Variants in FAM193B observed in about 807,000 individuals in gnomAD.
The protein encoded by FAM193B is protein FAM193B.
In FAM193B, 27 loss-of-function variants were observed where a neutral mutation model predicts 70.7. That is an observed-to-expected ratio of 0.38 (90% confidence interval 0.28 to 0.53). The LOEUF (loss-of-function observed/expected upper bound fraction) is 0.53, where lower values mean the gene tolerates loss of function less well. Ranked by LOEUF, FAM193B falls within the 20% of genes least tolerant of loss-of-function variation. FAM193B has a pLI of 0.81. For synonymous variants in FAM193B, 448 were observed against 436.0 expected, an observed-to-expected ratio of 1.03 and a Z score of -0.34; for missense variants, 1,022 against 1,072.5, an observed-to-expected ratio of 0.95 and a Z score of 0.66.
chr5:177,538,774 G>T lies in FAM193B; in HGVS notation c.453+131C>A. 8.1e-7 allele frequency: 1 copy of T among 1,233,020 alleles called. No individual in the cohort carries two copies. The highest frequency in any genetic ancestry group is 1.1e-6 in the Non-Finnish European group (1 of 888,502). 76.4% of individuals were successfully genotyped at this position (1,233,020 alleles called of 1,614,324 possible). On this transcript the variant is annotated intron_variant, in intron 2 of 8. Transcript: ENST00000514747. The surrounding 1 kb of genome is among the most constrained non-coding windows in gnomAD (Gnocchi z 4.1). Reference sequence around the variant, plus strand: ...CTTGAGCTGCCAATGCTGTGCCAGTGCAGCCCAGAAGTCTCTCAGTGCCTG... The same window carrying T: ...CTTGAGCTGCCAATGCTGTGCCAGTTCAGCCCAGAAGTCTCTCAGTGCCTG...
chr5:177,547,582 C>G (rs891876334), intron 1 of FAM193B, among the ~76,000 whole-genome samples: 1 of 152,080 alleles, frequency 6.6e-6, no homozygotes, highest in South Asian at 2.1e-4. Flanking sequence ...CCGCGCCCGG[C>G]CCCAAATTTA....
rs776526631 is a variant in FAM193B, at chr5:177,524,930, G to T, written c.1551C>A (p.Pro517=). The T allele has an allele frequency of 1.2e-5, 18 of 1,506,606 alleles. No homozygotes were observed. The highest frequency in any genetic ancestry group is 2.8e-5 in the African/African-American group (2 of 71,372). The allele number at this position is 1,506,606 out of a possible 1,614,324, so 93.3% of individuals were successfully genotyped here. A position where few individuals can be genotyped will look rare whatever the true frequency, so the allele number is the denominator to read the frequency against. ...GCTCTGAGGAGCCACTGAGGTTTGA[G>T]GGGGGTAGACTCTGAGGCTCAGGCT... ...AAEPEPQSLP[P]SNLSGSSEQQ... is the part of the protein sequence containing the mutation. Residue 517 remains proline, a synonymous_variant, in exon 6 of 9, where the codon CCC becomes CCA. Coordinates refer to ENST00000514747, the MANE Select transcript of FAM193B (RefSeq NM_001190946.3).
chr5:177,522,051 T>C lies in FAM193B; in HGVS notation c.2393A>G (p.Lys798Arg). The C allele has an allele frequency of 2.5e-6, 4 of 1,613,998 alleles. No individual in the cohort carries two copies. Among genetic ancestry groups the C allele is most frequent in the Non-Finnish European group, 2.5e-6 (3 of 1,179,870 alleles). The change falls in exon 8 of 9, where the codon AAG (lysine) becomes AGG (arginine). Residue 798 changes from lysine to arginine, a missense_variant. Coordinates refer to ENST00000514747, the MANE Select transcript of FAM193B (RefSeq NM_001190946.3). ...CACAGCAACTTTCTGACGAGTCTGC[T>C]TTGCAGAATCCAAACAGAACCTGTT... Reference protein sequence around the residue: ...YFKRFCLDSAKQTRQKVAVNW... With the variant: ...YFKRFCLDSARQTRQKVAVNW...
intron 4 of FAM193B, among the ~76,000 whole-genome samples, chr5:177,534,291 A>AT (rs372141424): frequency 0.79 from 106,114 of 134,818 alleles, 42,971 homozygotes; most frequent in South Asian, 0.88. Flanking sequence ...AGCAAAACTG[A>AT]TTTTTTTTTT....
chr5:177,550,030 C>T (rs933452645), intron 1 of FAM193B, among the ~76,000 whole-genome samples: 2 of 152,084 alleles, frequency 1.3e-5, no homozygotes, highest in African/African-American at 2.4e-5. Context: ...AAATTTAAAA[C>T]TCAGCTGGGT....
At position 177,553,766 on chromosome 5, in the gene FAM193B, G is replaced by C. The variant is rs1289099102; in HGVS notation, c.210+483C>G. On this transcript the variant is annotated intron_variant, in intron 1 of 8. Coordinates refer to ENST00000514747, the MANE Select transcript of FAM193B (RefSeq NM_001190946.3). ...TGCTGGGTATGGCGAGGAGGCGCCA[G>C]GAGACACAGCTGCTGAGGGGGCCGC... 5.4e-6 allele frequency: 7 copies of C among 1,287,750 alleles called. No homozygotes were observed. In the Admixed American group the frequency reaches 9.2e-5, roughly 17 times the overall value. 79.8% of individuals were successfully genotyped at this position (1,287,750 alleles called of 1,614,324 possible).
chr5:177,531,846 A>T, intron 5 of FAM193B: 5 of 1,157,460 alleles, frequency 4.3e-6, no homozygotes, highest in Non-Finnish European at 5.5e-6. Flanking sequence ...TGTCATCTCT[A>T]AAATGAGGAT....
rs138900680 is a variant in FAM193B, at chr5:177,547,680, C to T, written c.210+6569G>A. ...CTCCTTGTTTTCTGGCTATAACTTC[C>T]TAATAAAACCTTCAGTGTTTGCAGT... On this transcript the variant is annotated intron_variant, in intron 1 of 8. Transcript: ENST00000514747. Among the ~76,000 whole-genome samples, 984 of 152,302 alleles carry T rather than the reference C, an allele frequency of 6.5e-3. 15 individuals carry two copies. Among genetic ancestry groups the T allele is most frequent in the African/African-American group, 0.023 (944 of 41,566 alleles).
rs373692745 is a variant in FAM193B, at chr5:177,521,986, T to G, written c.2458A>C (p.Thr820Pro). Reference sequence around the variant, plus strand: ...GGGGTCTCTGTACCTCACTGAGCTGTGCTAGGAGTGGTTTTCTTGAGGCTG... The same window carrying G: ...GGGGTCTCTGTACCTCACTGAGCTGGGCTAGGAGTGGTTTTCTTGAGGCTG... ...NFSLKKTTPS[T>P]AQ The change falls in exon 8 of 9, where the codon ACA becomes CCA. Residue 820 changes from threonine (T) to proline (P), a missense_variant. Physicochemically the swap from Thr to Pro is conservative, Grantham distance 38 (BLOSUM62 -1). Coordinates refer to ENST00000514747, the MANE Select transcript of FAM193B (RefSeq NM_001190946.3). 1.8e-4 allele frequency: 293 copies of G among 1,613,686 alleles called. No individual in the cohort carries two copies. The highest frequency in any genetic ancestry group is 2.4e-4 in the Non-Finnish European group (288 of 1,179,764).
intron 5 of FAM193B, among the ~76,000 whole-genome samples, chr5:177,526,498 G>A (rs1471414750): frequency 6.6e-6 from 1 of 151,710 alleles, no homozygotes. Context: ...CGCTCCCCCA[G>A]CACCACACAG....
intron 8 of FAM193B, among the ~76,000 whole-genome samples, chr5:177,521,176 G>A (rs1157508183): frequency 6.6e-6 from 1 of 152,208 alleles, no homozygotes; most frequent in African/African-American, 2.4e-5. Flanking sequence ...CAGGGACACA[G>A]CTGAGGGTTG....
intron 1 of FAM193B, 61 bp from the exon 2 acceptor site, chr5:177,539,208 G>C (rs1340097059): frequency 2.4e-5 from 35 of 1,473,228 alleles, no homozygotes; most frequent in Non-Finnish European, 3.1e-5. Context: ...CAAAATAATA[G>C]TAACAATATT....
Position 177,539,065 on chromosome 5 carries a change from G to T in FAM193B, c.293C>A (p.Ser98Tyr), listed in dbSNP as rs1370410366. The stretch of plus-strand genomic sequence containing the variant: ...ACCCTGCAACACCAGTCCATTTTGA[G>T]AAGGGCCTTCTTCCCAGCCTTTGCG... ...RERKGWEEGP[S>Y]QNGLVLQGEK... Residue 98 changes from serine (S) to tyrosine (Y), a missense_variant, in exon 2 of 9, where the codon TCT (serine) becomes TAT (tyrosine). Physicochemically the swap from Ser to Tyr is moderately radical, Grantham distance 144. Coordinates refer to ENST00000514747, the MANE Select transcript of FAM193B (RefSeq NM_001190946.3). 6.2e-7 allele frequency: 1 copy of T among 1,613,818 alleles called. No individual in the cohort carries two copies. Among genetic ancestry groups the T allele is most frequent in the Non-Finnish European group, 8.5e-7 (1 of 1,179,806 alleles).
chr5:177,551,285 G>C (rs754025825), intron 1 of FAM193B, among the ~76,000 whole-genome samples: 2 of 151,044 alleles, frequency 1.3e-5, no homozygotes, highest in African/African-American at 4.9e-5. Flanking sequence ...TTTTTTGTTT[G>C]TTTTGTTTTC....
intron 1 of FAM193B, among the ~76,000 whole-genome samples, chr5:177,545,673 AAAAAG>A (rs1765342754): frequency 6.6e-6 from 1 of 151,942 alleles, no homozygotes; most frequent in South Asian, 2.1e-4. Context: ...AAAAAAAAAA[AAAAAG>A]ATAGCTCTCT....
At chr5:177,540,941 TATCCTTA>T (rs1382909063) in intron 1 of FAM193B, among the ~76,000 whole-genome samples, 1 of 152,216 alleles carries the variant, frequency 6.6e-6, no homozygotes, top group Non-Finnish European at 1.5e-5. Context: ...AGCATTAGGG[TATCCTTA>T]AACCTCTAAT....
chr5:177,553,433 C>G (rs1766565064), intron 1 of FAM193B: 1 of 1,063,538 alleles, frequency 9.4e-7, no homozygotes, highest in African/African-American at 1.7e-5. Flanking sequence ...CCGAGTGCCA[C>G]AACCCTCCCA....
intron 1 of FAM193B, chr5:177,553,236 A>G: frequency 1.0e-6 from 1 of 986,002 alleles, no homozygotes; most frequent in Non-Finnish European, 1.2e-6. Flanking sequence ...CCAGCCTCCC[A>G]GAGTCCCCTG....
At chr5:177,531,805 C>A (rs1014933381) in intron 5 of FAM193B, 1 of 986,290 alleles carries the variant, frequency 1.0e-6, no homozygotes, top group Non-Finnish European at 1.3e-6. Context: ...TGACCTTGGG[C>A]GAGTCACCGA....
Sources: allele counts gnomAD v4.1 joint callset (sites outside exome capture counted in the v4.1 genomes callset), GRCh38; gene constraint gnomAD v4.1.1; non-coding constraint Gnocchi (gnomAD v3.1); transcripts MANE v1.5; gene names NCBI Gene and HGNC (gene_info 2026-07-23, HGNC 2026-07-21).